The following NUP210L variants were observed in gnomAD, a reference collection of about 807,000 sequenced individuals.
The protein encoded by NUP210L is nuclear pore membrane glycoprotein 210-like.
In NUP210L, 74 loss-of-function variants were observed where a neutral mutation model predicts 208.5. That is an observed-to-expected ratio of 0.35 (90% CI 0.29 to 0.43). The LOEUF (loss-of-function observed/expected upper bound fraction) is 0.43, where lower values mean the gene tolerates loss of function less well. Among genes scored for constraint, NUP210L ranks in the 20% least tolerant of loss-of-function variants. The probability of loss-of-function intolerance (pLI) is 1.00; values close to 1 mark genes in which losing one functional copy is unlikely to be tolerated. For missense variants in NUP210L, 1,843 were observed against 2,289.4 expected, an observed-to-expected ratio of 0.81 and a Z score of 3.98; for synonymous variants, 780 against 816.9, an observed-to-expected ratio of 0.95 and a Z score of 0.77.
chr1:154,091,559 G>A (rs1035622181), intron 15 of NUP210L, among the ~76,000 whole-genome samples: 2 of 145,886 alleles, frequency 1.4e-5, no homozygotes, highest in Admixed American at 1.4e-4. Context: ...GGAGTGCAAT[G>A]GCATGATCTC....
chr1:154,100,024 T>C (rs765966896), exon 14 of NUP210L: 3 of 1,614,148 alleles, frequency 1.9e-6, no homozygotes, highest in South Asian at 2.2e-5. Flanking sequence ...GCAGCAAATG[T>C]AGCACTGCTC....
At chr1:154,110,174 G>A (rs1656972081) in intron 12 of NUP210L, among the ~76,000 whole-genome samples, 1 of 149,920 alleles carries the variant, frequency 6.7e-6, no homozygotes, top group East Asian at 2.0e-4. Flanking sequence ...GGCACAGGTT[G>A]CAGTGAGCCA....
chr1:154,132,882 A>C (rs920670749), intron 7 of NUP210L, among the ~76,000 whole-genome samples: 1 of 152,222 alleles, frequency 6.6e-6, no homozygotes, highest in East Asian at 1.9e-4. Flanking sequence ...ACAATATTAT[A>C]CAAGAAATAC....
intron 16 of NUP210L, among the ~76,000 whole-genome samples, chr1:154,082,981 G>A (rs978319079): frequency 6.6e-6 from 1 of 152,148 alleles, no homozygotes. Flanking sequence ...TTGTGGTCTC[G>A]CTGACTCCAG....
In NUP210L at chr1:154,054,794, T is replaced by C; in HGVS notation, c.3279A>G (p.Thr1093=). The change falls in exon 24 of 40, where the codon ACA becomes ACG. Residue 1093 remains threonine (T), a synonymous_variant. Transcript: ENST00000368559. The stretch of plus-strand genomic sequence containing the variant: ...CCTGCATCATATTCATTGGAATCAG[T>C]GTCATTTTCTCTGGAAGAAGTCTGA... 5 of 1,613,480 alleles carry C rather than the reference T, an allele frequency of 3.1e-6. No individual in the cohort carries two copies. In the South Asian group the frequency reaches 3.3e-5, roughly 11 times the overall value.
intron 17 of NUP210L, among the ~76,000 whole-genome samples, chr1:154,064,048 A>G (rs1571228538): frequency 6.6e-6 from 1 of 150,692 alleles, no homozygotes; most frequent in Middle Eastern, 3.5e-3. Context: ...GCATAAATAT[A>G]TTAAATAATA....
intron 6 of NUP210L, among the ~76,000 whole-genome samples, chr1:154,136,759 A>C (rs1349055321): frequency 6.6e-6 from 1 of 151,250 alleles, no homozygotes; most frequent in African/African-American, 2.4e-5. Context: ...TCTCTACTAA[A>C]AATGCAAAAA....
intron 10 of NUP210L, among the ~76,000 whole-genome samples, chr1:154,122,264 T>A (rs1255828410): frequency 6.6e-6 from 1 of 152,198 alleles, no homozygotes; most frequent in African/African-American, 2.4e-5. Context: ...TAAAATTGAA[T>A]TCATAGTTTA....
At chr1:154,024,017 C>A (rs547952117) in intron 30 of NUP210L, among the ~76,000 whole-genome samples, 22 of 152,072 alleles carry the variant, frequency 1.4e-4, no homozygotes, top group African/African-American at 5.1e-4. Flanking sequence ...TCTTGAACTC[C>A]TGACCTCGTG....
At chr1:154,119,831 G>A (rs1657520524) in intron 10 of NUP210L, among the ~76,000 whole-genome samples, 1 of 152,154 alleles carries the variant, frequency 6.6e-6, no homozygotes, top group Non-Finnish European at 1.5e-5. Flanking sequence ...CTTTGCTATT[G>A]TGAATAGTGC....
At chr1:154,072,162 C>G (rs1026696250) in intron 16 of NUP210L, among the ~76,000 whole-genome samples, 1 of 151,958 alleles carries the variant, frequency 6.6e-6, no homozygotes, top group African/African-American at 2.4e-5. Flanking sequence ...ATTGCTGGAT[C>G]AAATGGTAGC....
chr1:153,993,362 T>C (rs563312153), intron 38 of NUP210L, among the ~76,000 whole-genome samples: 28 of 151,864 alleles, frequency 1.8e-4, no homozygotes, highest in Admixed American at 1.6e-3. Context: ...GTCAGGAGAT[T>C]GAGACCATCC....
rs1657916302 is a variant in NUP210L at position 154,125,760 on chromosome 1, T to TG, written c.1326+562_1326+563insC. Among the ~76,000 whole-genome samples, 3 of 15,004 alleles carry TG rather than the reference T, an allele frequency of 2.0e-4. 1 individual carries two copies. Among genetic ancestry groups the TG allele is most frequent in the African/African-American group, 7.3e-4 (2 of 2,730 alleles). The allele number at this position is 15,004 out of a possible 152,430, so 9.8% of individuals were successfully genotyped here. A position where few individuals can be genotyped will look rare whatever the true frequency, so the allele number is the denominator to read the frequency against. ...AAGGGAGGGAGGGAAATGTTTTTTT[T>TG]TTTTTTTTTTTTTTTTTTTTTTTTT... is the stretch of plus-strand genomic sequence containing the variant. On this transcript the variant is annotated intron_variant, in intron 10 of 39. Coordinates refer to ENST00000368559, the Ensembl canonical transcript of NUP210L.
chr1:154,042,661 C>T (rs541496862), intron 27 of NUP210L, among the ~76,000 whole-genome samples: 1 of 151,618 alleles, frequency 6.6e-6, no homozygotes, highest in African/African-American at 2.4e-5. Flanking sequence ...ATCTCCTGAC[C>T]TCCTGATCCA....
intron 4 of NUP210L, 142 bp downstream of exon 4, chr1:154,141,289 T>C: frequency 1.6e-6 from 1 of 629,852 alleles, no homozygotes; most frequent in Admixed American, 2.7e-5. Flanking sequence ...ATCAAAGACA[T>C]TTCTCTCAGT....
chr1:154,058,634 G>A (rs1653993212), exon 21 of NUP210L: 1 of 1,613,928 alleles, frequency 6.2e-7, no homozygotes, highest in Non-Finnish European at 8.5e-7. Context: ...CTGGACCCAA[G>A]AAAGCCAAAC....
intron 33 of NUP210L, among the ~76,000 whole-genome samples, chr1:154,013,525 G>A (rs558497124): frequency 1.3e-5 from 2 of 152,054 alleles, no homozygotes; most frequent in Admixed American, 1.3e-4. Flanking sequence ...AGTGAGCTGA[G>A]ATTGTGCCAT....
intron 37 of NUP210L, among the ~76,000 whole-genome samples, chr1:153,998,160 G>A (rs920081308): frequency 3.9e-5 from 6 of 152,238 alleles, no homozygotes; most frequent in African/African-American, 1.4e-4. Context: ...AATGAATTCT[G>A]TTGGTGACAA....
At chr1:154,071,749 C>T (rs1252595600) in intron 16 of NUP210L, among the ~76,000 whole-genome samples, 1 of 150,650 alleles carries the variant, frequency 6.6e-6, no homozygotes, top group African/African-American at 2.4e-5. Flanking sequence ...GATTCCCCTG[C>T]CTCAGCCTTC....
Sources: allele counts gnomAD v4.1 joint callset (sites outside exome capture counted in the v4.1 genomes callset), GRCh38; gene constraint gnomAD v4.1.1; transcripts MANE v1.5; gene names NCBI Gene and HGNC (gene_info 2026-07-23, HGNC 2026-07-21).